The following CFAP46 variants were observed in gnomAD, a reference collection of about 807,000 sequenced individuals.
CFAP46 encodes the protein cilia- and flagella-associated protein 46.
In CFAP46, 245 loss-of-function variants were observed where a neutral mutation model predicts 325.7. That is an observed-to-expected ratio of 0.75 (90% confidence interval 0.68 to 0.84). The LOEUF is 0.84. CFAP46 is among the 40% of genes least tolerant of loss of function. CFAP46 has a pLI of 0.00. For missense variants in CFAP46, 3,346 were observed against 3,543.0 expected (o/e 0.94, Z 1.41); for synonymous variants, 1,523 against 1,495.9 (o/e 1.02, Z -0.42).
chr10:132,926,252 G>A (rs1390409494), intron 10 of CFAP46, among the ~76,000 whole-genome samples: 2 of 152,188 alleles, frequency 1.3e-5, no homozygotes, highest in Non-Finnish European at 2.9e-5. Context: ...CGTCCTCCCA[G>A]GCAGGCATCA....
In CFAP46 at chr10:132,922,480, C is replaced by A; in HGVS notation, c.1485G>T (p.Gln495His). ...CTCCCTCACTTCCCCGGGGCGGCAC[C>A]TGCTCAACGGCCATGATGGCCTTGT... ...AEDKAIMAVE[Q>H]AKKATPKDSV... Residue 495 changes from glutamine to histidine, a missense_variant and splice_region_variant, in exon 12 of 58, where the codon CAG becomes CAT. By Grantham distance (24) the Gln-to-His change is conservative. Transcript: ENST00000368586. The A allele has an allele frequency of 6.5e-7, 1 of 1,530,600 alleles. No individual in the cohort carries two copies. Among genetic ancestry groups the A allele is most frequent in the Non-Finnish European group, 8.8e-7 (1 of 1,135,162 alleles). 94.8% of individuals were successfully genotyped at this position (1,530,600 alleles called of 1,614,324 possible).
intron 10 of CFAP46, among the ~76,000 whole-genome samples, chr10:132,925,545 G>A (rs556678260): frequency 1.3e-5 from 2 of 152,398 alleles, no homozygotes; most frequent in African/African-American, 4.8e-5. Flanking sequence ...CAGCGCCACA[G>A]CCACAAGCAG....
chr10:132,811,088 G>A lies in CFAP46; in HGVS notation c.7502-57C>T, dbSNP rs369239740. 2.7e-5 allele frequency: 39 copies of A among 1,459,446 alleles called. 1 individual carries two copies. Among genetic ancestry groups the A allele is most frequent in the East Asian group, 2.2e-4 (9 of 40,670 alleles). The allele number at this position is 1,459,446 out of a possible 1,614,324, so 90.4% of individuals were successfully genotyped here. A position where few individuals can be genotyped will look rare whatever the true frequency, so the allele number is the denominator to read the frequency against. ...TTGGCCTGACATGGGGAGTGGGGATGGGGTGTGGGCAGGTGGGGCCTGTGC... is the reference window on the plus strand; with the variant it reads ...TTGGCCTGACATGGGGAGTGGGGATAGGGTGTGGGCAGGTGGGGCCTGTGC... On this transcript the variant is annotated intron_variant, in intron 55 of 57. Transcript: ENST00000368586.
At chr10:132,913,345 C>A in intron 17 of CFAP46, 87 bp from the exon 18 acceptor site, 4 of 896,328 alleles carry the variant, frequency 4.5e-6, no homozygotes, top group African/African-American at 1.7e-5. Context: ...CTGTTAGGAA[C>A]CAGGCTGCAG....
At position 132,834,816 on chromosome 10, in the gene CFAP46, C is replaced by A. The variant is rs539602707; in HGVS notation, c.6745-41G>T. 7 of 1,596,752 alleles carry A rather than the reference C, an allele frequency of 4.4e-6. No homozygotes were observed. The African/African-American group carries it at 8.1e-5, about 18-fold the overall frequency. Reference sequence around the variant, plus strand: ...AAAGAGGCCCCCGTAGCAAACAGGGCGCATGGCCCAGACCCCGCGAGGGCC... The same window carrying A: ...AAAGAGGCCCCCGTAGCAAACAGGGAGCATGGCCCAGACCCCGCGAGGGCC... On this transcript the variant is annotated intron_variant, in intron 47 of 57. Transcript: ENST00000368586.
chr10:132,940,874 A>C (rs922805554), intron 4 of CFAP46, 122 bp downstream of exon 4: 67 of 962,304 alleles, frequency 7.0e-5, no homozygotes, highest in Non-Finnish European at 1.0e-4. Context: ...CACGTGCATG[A>C]AAATCACAGA....
intron 17 of CFAP46, 107 bp from the exon 18 acceptor site, chr10:132,913,365 T>TATGG: frequency 2.1e-5 from 6 of 279,294 alleles, no homozygotes; most frequent in Non-Finnish European, 2.9e-5. Flanking sequence ...GGGCAAGAAG[T>TATGG]GGGAGGGGCG....
intron 50 of CFAP46, among the ~76,000 whole-genome samples, chr10:132,825,097 AGTGCTGATGT>A (rs1848018213): frequency 1.5e-5 from 1 of 66,692 alleles, no homozygotes; most frequent in East Asian, 4.5e-4. Flanking sequence ...GTGCTGTGTG[AGTGCTGATGT>A]GTGCTGATGT....
chr10:132,899,228 G>C, intron 23 of CFAP46, 107 bp from the exon 24 acceptor site: 1 of 1,240,040 alleles, frequency 8.1e-7, no homozygotes, highest in Non-Finnish European at 1.1e-6. Flanking sequence ...CCACACGCTC[G>C]CTCCCTCCTG....
rs1233274985 is a variant in CFAP46, at chr10:132,816,325, CTTCT to C, written c.7118-1415_7118-1412del. Among the ~76,000 whole-genome samples the C allele has an allele frequency of 7.5e-3, 1,047 of 139,206 alleles. 4 individuals are homozygous for C. The highest frequency in any genetic ancestry group is 0.012 in the Non-Finnish European group (748 of 64,532). 91.3% of individuals were successfully genotyped at this position (139,206 alleles called of 152,430 possible). ...TCATTCTGCCTCCTTGCTCTGACTT[CTTCT>C]TTTTTTTTTTTTTTTTTTTTGAGAC... On this transcript the variant is annotated intron_variant, in intron 50 of 57. Coordinates refer to ENST00000368586, the MANE Select transcript of CFAP46 (RefSeq NM_001200049.3).
intron 25 of CFAP46, 24 bp downstream of exon 25, chr10:132,892,309 G>C: frequency 6.5e-7 from 1 of 1,547,772 alleles, no homozygotes; most frequent in South Asian, 1.2e-5. Flanking sequence ...TGGAGCCTGT[G>C]GGTCTGTCTG....
intron 32 of CFAP46, among the ~76,000 whole-genome samples, chr10:132,872,002 A>C (rs1352059965): frequency 1.3e-5 from 2 of 152,216 alleles, no homozygotes; most frequent in Non-Finnish European, 2.9e-5. Flanking sequence ...TTTTTAGTAC[A>C]TACATTTTAA....
rs1179163430 is a variant in CFAP46 at position 132,888,213 on chromosome 10, C to T, written c.3305-2254G>A. Reference sequence around the variant, plus strand: ...GTGGGCACCAATGCGGGCTCCACCCCGTCTAATGGTAGCGGGTCTTGGGTT... The same window carrying T: ...GTGGGCACCAATGCGGGCTCCACCCTGTCTAATGGTAGCGGGTCTTGGGTT... On this transcript the variant is annotated intron_variant, in intron 25 of 57. Coordinates refer to ENST00000368586, the MANE Select transcript of CFAP46 (RefSeq NM_001200049.3). Among the ~76,000 whole-genome samples, 3 of 151,938 alleles carry T rather than the reference C, an allele frequency of 2.0e-5. No homozygotes were observed. In the East Asian group the frequency reaches 5.8e-4, roughly 29 times the overall value.
chr10:132,835,163 G>T, intron 47 of CFAP46, 141 bp downstream of exon 47: 2 of 1,168,306 alleles, frequency 1.7e-6, no homozygotes, highest in Non-Finnish European at 2.3e-6. Flanking sequence ...GTTGGGCAGT[G>T]CCCGGGTGTT....
chr10:132,822,065 TG>T, intron 50 of CFAP46, among the ~76,000 whole-genome samples: 1 of 132,576 alleles, frequency 7.5e-6, no homozygotes, highest in East Asian at 2.4e-4. Flanking sequence ...TGTGTGCTGA[TG>T]TGTGCTGTGT....
intron 50 of CFAP46, among the ~76,000 whole-genome samples, chr10:132,821,023 CTGTG>C (rs1256619793): frequency 1.1e-5 from 1 of 92,584 alleles, no homozygotes; most frequent in East Asian, 3.6e-4. Context: ...GTGCTGTGTG[CTGTG>C]TGTGTGCTGA....
chr10:132,918,818 T>C (rs137855226), intron 15 of CFAP46, among the ~76,000 whole-genome samples: 6 of 152,218 alleles, frequency 3.9e-5, no homozygotes, highest in African/African-American at 1.4e-4. Flanking sequence ...ATCCCCTGCC[T>C]TCTTGGGGGG....
chr10:132,884,807 G>A lies in CFAP46; in HGVS notation c.3627+296C>T, dbSNP rs918209560. On this transcript the variant is annotated intron_variant, in intron 27 of 57. Coordinates refer to ENST00000368586, the MANE Select transcript of CFAP46 (RefSeq NM_001200049.3). This position sits in a 1 kb window ranked among gnomAD's most constrained non-coding sequence, Gnocchi z 5.4. ...GCCCTGGTGCCACCAGGGGAGCCTG[G>A]GCGCTTCCACTTGGGGCATCACCCT... Among the ~76,000 whole-genome samples the A allele has an allele frequency of 1.3e-5, 2 of 152,078 alleles. No homozygotes were observed. The highest frequency in any genetic ancestry group is 2.4e-5 in the African/African-American group (1 of 41,424).
At position 132,873,205 on chromosome 10, in the gene CFAP46, T is replaced by C. The variant is rs913304969; in HGVS notation, c.4363-381A>G. ...CACACAACCACTTACAAATTTAATA[T>C]ATAGAGAAGAGCTAATGCTTCTTAT... is the stretch of plus-strand genomic sequence containing the variant. On this transcript the variant is annotated intron_variant, in intron 31 of 57. Coordinates refer to ENST00000368586, the MANE Select transcript of CFAP46 (RefSeq NM_001200049.3). Among the ~76,000 whole-genome samples the C allele has an allele frequency of 3.9e-5, 6 of 152,252 alleles. No homozygotes were observed. In the East Asian group the frequency reaches 7.7e-4, roughly 20 times the overall value.
Sources: gnomAD v4.1 joint callset for allele counts (sites outside exome capture counted in the v4.1 genomes callset) on GRCh38, gnomAD v4.1.1 for gene constraint, Gnocchi (gnomAD v3.1) non-coding constraint, MANE v1.5 for transcripts, NCBI Gene and HGNC (gene_info 2026-07-23, HGNC 2026-07-21) for gene names.